The following AVEN variants were observed in gnomAD, a reference collection of about 807,000 sequenced individuals.
AVEN encodes the protein apoptosis and caspase activation inhibitor.
AVEN carries 41 observed loss-of-function variants against 38.1 expected under a neutral mutation model. The observed-to-expected ratio is 1.08, with a 90% CI of 0.84 to 1.40. AVEN has a LOEUF of 1.40. Ranked by LOEUF, AVEN falls within the 40% of genes most tolerant of loss-of-function variation. AVEN has a pLI of 0.00. For synonymous variants in AVEN, 206 were observed against 171.8 expected (o/e 1.20, Z -1.56); for missense variants, 605 against 438.8 (o/e 1.38, Z -3.38).
At chr15:33,911,845 T>C (rs1416700190) in intron 2 of AVEN, among the ~76,000 whole-genome samples, 1 of 152,236 alleles carries the variant, frequency 6.6e-6, no homozygotes, top group Admixed American at 6.5e-5. Flanking sequence ...TACCGTTCCT[T>C]TGCTTCTGAT....
intron 2 of AVEN, among the ~76,000 whole-genome samples, chr15:33,932,779 C>G (rs887779447): frequency 6.6e-6 from 1 of 151,838 alleles, no homozygotes; most frequent in East Asian, 1.9e-4. Context: ...GAGCCGAGAT[C>G]GTGCCATTGC....
intron 2 of AVEN, among the ~76,000 whole-genome samples, chr15:33,888,141 C>T (rs1220737373): frequency 3.3e-5 from 5 of 152,012 alleles, no homozygotes; most frequent in African/African-American, 1.2e-4. Context: ...CAGAAAGATC[C>T]TTGATTATTC....
chr15:33,990,100 AG>A (rs1405687882), intron 2 of AVEN, among the ~76,000 whole-genome samples: 1 of 152,060 alleles, frequency 6.6e-6, no homozygotes, highest in Non-Finnish European at 1.5e-5. Context: ...GCTACTCAGG[AG>A]GCTGAGGCAG....
intron 2 of AVEN, among the ~76,000 whole-genome samples, chr15:33,930,580 A>T (rs1254825528): frequency 6.6e-6 from 1 of 152,236 alleles, no homozygotes; most frequent in Non-Finnish European, 1.5e-5. Flanking sequence ...TACGAAATCT[A>T]AAATGCTATG....
downstream of AVEN, among the ~76,000 whole-genome samples, chr15:33,855,153 C>T (rs115722051): frequency 0.011 from 1,610 of 151,988 alleles, 36 homozygotes; most frequent in African/African-American, 0.036. Flanking sequence ...ACATTTAGAT[C>T]AACCAGGAGA....
intron 2 of AVEN, among the ~76,000 whole-genome samples, chr15:33,926,579 G>C (rs1184450302): frequency 1.3e-5 from 2 of 152,186 alleles, no homozygotes; most frequent in Non-Finnish European, 2.9e-5. Context: ...GGGAGGCTGA[G>C]ACAGGAGGAT....
intron 1 of AVEN, 126 bp downstream of exon 1, chr15:34,038,654 A>AGGCGCCGGCGCC (rs1306899235): frequency 6.8e-5 from 58 of 854,622 alleles, no homozygotes; most frequent in Middle Eastern, 1.0e-3. Context: ...CGTCCCGCGC[A>AGGCGCCGGCGCC]GGCGCCGGCG....
At chr15:33,985,285 G>A (rs1896374152) in intron 2 of AVEN, among the ~76,000 whole-genome samples, 2 of 134,858 alleles carry the variant, frequency 1.5e-5, no homozygotes, top group South Asian at 4.7e-4. Context: ...ATTTTTGTTG[G>A]TTCCTCATTG....
intron 2 of AVEN, among the ~76,000 whole-genome samples, chr15:33,888,736 A>G (rs1477166291): frequency 2.0e-5 from 3 of 152,018 alleles, no homozygotes; most frequent in African/African-American, 4.8e-5. Context: ...TATGGAAAAT[A>G]CTTTTGGAAT....
intron 1 of AVEN, among the ~76,000 whole-genome samples, chr15:34,037,400 G>C (rs1263632205): frequency 6.6e-6 from 1 of 151,634 alleles, no homozygotes; most frequent in Admixed American, 6.6e-5. Context: ...ATAAATCCCA[G>C]CTCTGCCACT....
chr15:34,038,673 C>G, intron 1 of AVEN, 107 bp downstream of exon 1: 1 of 978,092 alleles, frequency 1.0e-6, no homozygotes. Flanking sequence ...CGCCGCCGCC[C>G]GTCTGGCGCG....
At chr15:34,060,492 T>G (rs1243656318) in intron 5 of AVEN, among the ~76,000 whole-genome samples, 1 of 152,200 alleles carries the variant, frequency 6.6e-6, no homozygotes, top group African/African-American at 2.4e-5. Flanking sequence ...TGTCAGTTAC[T>G]GTTATCAAAA....
chr15:33,863,708 T>G (rs572568646), downstream of AVEN, among the ~76,000 whole-genome samples: 1 of 152,322 alleles, frequency 6.6e-6, no homozygotes, highest in African/African-American at 2.4e-5. Context: ...ACTTTCTAAC[T>G]TTTCCATGAC....
intron 2 of AVEN, among the ~76,000 whole-genome samples, chr15:33,959,028 C>A (rs1022755528): frequency 6.6e-5 from 10 of 152,170 alleles, no homozygotes; most frequent in Admixed American, 5.2e-4. Context: ...TCAACATCAG[C>A]AGGGTCAAGA....
At chr15:33,918,702 G>A (rs182064061) in intron 2 of AVEN, among the ~76,000 whole-genome samples, 26 of 151,938 alleles carry the variant, frequency 1.7e-4, no homozygotes, top group Admixed American at 7.2e-4. Flanking sequence ...TGATCTGCCC[G>A]CCTCAGCCTC....
intron 1 of AVEN, among the ~76,000 whole-genome samples, chr15:34,024,151 CAGT>C (rs1314316340): frequency 8.3e-5 from 7 of 84,320 alleles, no homozygotes; most frequent in African/African-American, 5.3e-4. Flanking sequence ...AGGCATTAGT[CAGT>C]GTGCTTGGAT....
chr15:33,899,496 GTGT>G (rs1199667057), intron 2 of AVEN, among the ~76,000 whole-genome samples: 1 of 71,408 alleles, frequency 1.4e-5, no homozygotes, highest in East Asian at 4.7e-4. Flanking sequence ...TTGAGACGGA[GTGT>G]TGCTCTGTCA....
chr15:34,062,554 C>CAAAAAA (rs10632153), intron 5 of AVEN: 267 of 410,822 alleles, frequency 6.5e-4, no homozygotes, highest in Middle Eastern at 1.9e-3. Flanking sequence ...GATTCTGTCT[C>CAAAAAA]AAAAAAAAAA....
At chr15:33,864,164 A>C (rs1323006627), downstream of AVEN, 1 of 1,612,138 alleles carries the variant, frequency 6.2e-7, no homozygotes, top group Non-Finnish European at 8.5e-7. Context: ...TTGATTAATA[A>C]AGATGAAACA....
Sources: allele counts gnomAD v4.1 joint callset (sites outside exome capture counted in the v4.1 genomes callset), GRCh38; gene constraint gnomAD v4.1.1; transcripts MANE v1.5; gene names NCBI Gene and HGNC (gene_info 2026-07-23, HGNC 2026-07-21).